The following PXT1 variants were observed in gnomAD, a reference collection of about 807,000 sequenced individuals.
PXT1 encodes peroxisomal testis enriched protein 1, also known as peroxisomal testis-specific protein 1.
Under a neutral mutation model 11.0 loss-of-function variants are expected in PXT1, and 11 were observed. The ratio of observed to expected loss-of-function variants is 1.00; its 90% CI spans 0.63 to 1.66. The LOEUF (loss-of-function observed/expected upper bound fraction) is 1.66, where lower values mean the gene tolerates loss of function less well. PXT1 is among the 40% of genes most tolerant of loss of function. PXT1 has a pLI of 0.00. For missense variants in PXT1, 141 were observed against 155.5 expected (o/e 0.91, Z 0.49); for synonymous variants, 43 against 51.4 (o/e 0.84, Z 0.70).
chr6:36,403,858 A>T (rs1774247975), intron 3 of PXT1, among the ~76,000 whole-genome samples: 1 of 152,186 alleles, frequency 6.6e-6, no homozygotes, highest in Non-Finnish European at 1.5e-5. Flanking sequence ...ACAGAGAGAG[A>T]ACCTGTCTCA....
At chr6:36,424,602 G>A (rs1182594739) in intron 3 of PXT1, among the ~76,000 whole-genome samples, 1 of 152,238 alleles carries the variant, frequency 6.6e-6, no homozygotes, top group Non-Finnish European at 1.5e-5. Context: ...TCGCGCCACT[G>A]CACTCCAGCC....
intron 1 of PXT1, among the ~76,000 whole-genome samples, chr6:36,440,936 AG>A (rs1383109481): frequency 6.6e-6 from 1 of 152,148 alleles, no homozygotes. Flanking sequence ...CTCGGTAGTT[AG>A]CCTGATTCTC....
chr6:36,423,868 AATGAG>A (rs1193914989), intron 3 of PXT1, among the ~76,000 whole-genome samples: 1 of 152,182 alleles, frequency 6.6e-6, no homozygotes, highest in Non-Finnish European at 1.5e-5. Context: ...ACCAGTCACT[AATGAG>A]ATTTGACATA....
At chr6:36,439,738 G>A (rs1182534740) in intron 1 of PXT1, among the ~76,000 whole-genome samples, 1 of 151,438 alleles carries the variant, frequency 6.6e-6, no homozygotes, top group Non-Finnish European at 1.5e-5. Flanking sequence ...TGAGCTGCCA[G>A]AGCCAGTACA....
chr6:36,412,494 T>C (rs1371613051), intron 3 of PXT1, among the ~76,000 whole-genome samples: 1 of 151,602 alleles, frequency 6.6e-6, no homozygotes, highest in African/African-American at 2.4e-5. Context: ...ACCCCGTCTC[T>C]ACTAAAAATG....
chr6:36,400,088 G>A (rs1414695964), intron 4 of PXT1, among the ~76,000 whole-genome samples: 1 of 152,104 alleles, frequency 6.6e-6, no homozygotes, highest in African/African-American at 2.4e-5. Context: ...CAGTTTTGAG[G>A]GTGTGAAACA....
At chr6:36,415,954 A>G (rs1170950590) in intron 3 of PXT1, among the ~76,000 whole-genome samples, 1 of 152,172 alleles carries the variant, frequency 6.6e-6, no homozygotes, top group Non-Finnish European at 1.5e-5. Context: ...CCCTGAAGAC[A>G]TCAATTTTGT....
At chr6:36,407,621 G>GT (rs1774309774) in intron 3 of PXT1, among the ~76,000 whole-genome samples, 4 of 151,678 alleles carry the variant, frequency 2.6e-5, no homozygotes, top group African/African-American at 9.7e-5. Context: ...GCCCAGGCTG[G>GT]ACTTGAACTT....
chr6:36,440,290 A>G (rs770271855), intron 1 of PXT1, among the ~76,000 whole-genome samples: 1 of 152,082 alleles, frequency 6.6e-6, no homozygotes, highest in African/African-American at 2.4e-5. Context: ...GTCAACCTTG[A>G]CCGGGCGTGG....
intron 2 of PXT1, among the ~76,000 whole-genome samples, chr6:36,430,202 A>G (rs1036189458): frequency 1.3e-5 from 2 of 151,514 alleles, no homozygotes; most frequent in African/African-American, 2.4e-5. Context: ...GCGACACTCC[A>G]TCTCAAAAAA....
intron 4 of PXT1, among the ~76,000 whole-genome samples, chr6:36,396,352 G>GT (rs1288020781): frequency 4.6e-5 from 7 of 152,156 alleles, no homozygotes; most frequent in Non-Finnish European, 8.8e-5. Context: ...CACCCTCCCA[G>GT]TTGCAGGACC....
At position 36,391,736 on chromosome 6, in the gene PXT1, A is replaced by C. The variant is rs1322335105; in HGVS notation, c.*34T>G. On this transcript the variant is annotated 3_prime_UTR_variant, in exon 5 of 5. Coordinates refer to ENST00000454782, the MANE Select transcript of PXT1 (RefSeq NM_152990.4). Reference sequence around the variant, plus strand: ...CATGTTTCTCAGAGGGTAAAAAGAAAACAGAACTTGACCACTTGACCTTTA... The same window carrying C: ...CATGTTTCTCAGAGGGTAAAAAGAACACAGAACTTGACCACTTGACCTTTA... 1 of 1,407,028 alleles carries C rather than the reference A, an allele frequency of 7.1e-7. No homozygotes were observed. The highest frequency in any genetic ancestry group is 1.2e-5 in the South Asian group (1 of 86,454). The allele number at this position is 1,407,028 out of a possible 1,614,324, so 87.2% of individuals were successfully genotyped here.
At chr6:36,422,011 T>C (rs954593425) in intron 3 of PXT1, among the ~76,000 whole-genome samples, 1 of 152,234 alleles carries the variant, frequency 6.6e-6, no homozygotes, top group African/African-American at 2.4e-5. Flanking sequence ...TATTGAGATA[T>C]ATCATATCCT....
At position 36,391,572 on chromosome 6, in the gene PXT1, T is replaced by C. The variant is rs947442616; in HGVS notation, c.*198A>G. On this transcript the variant is annotated 3_prime_UTR_variant, in exon 5 of 5. Coordinates refer to ENST00000454782, the MANE Select transcript of PXT1 (RefSeq NM_152990.4). ...CTTTACCGTGATGTGATCGCAGACATCTCATAGCTAGCTCCTCCGAAGAGA... is the reference window on the plus strand; with the variant it reads ...CTTTACCGTGATGTGATCGCAGACACCTCATAGCTAGCTCCTCCGAAGAGA... 3 of 595,340 alleles carry C rather than the reference T, an allele frequency of 5.0e-6. No individual in the cohort carries two copies. In the African/African-American group the frequency reaches 5.6e-5, roughly 11 times the overall value. 36.9% of individuals were successfully genotyped at this position (595,340 alleles called of 1,614,324 possible). A position where few individuals can be genotyped will look rare whatever the true frequency, so the allele number is the denominator to read the frequency against.
chr6:36,397,665 A>G (rs1184302200), intron 4 of PXT1, among the ~76,000 whole-genome samples: 1 of 152,190 alleles, frequency 6.6e-6, no homozygotes, highest in Non-Finnish European at 1.5e-5. Flanking sequence ...TTGTACTTCA[A>G]AGTACACTAT....
intron 1 of PXT1, among the ~76,000 whole-genome samples, chr6:36,441,126 AAAG>A (rs1774855893): frequency 6.6e-6 from 1 of 151,918 alleles, no homozygotes; most frequent in African/African-American, 2.4e-5. Context: ...AAAAAAAAAA[AAAG>A]AAAGACAATA....
intron 3 of PXT1, among the ~76,000 whole-genome samples, chr6:36,403,598 G>T (rs902668240): frequency 3.9e-5 from 6 of 152,168 alleles, no homozygotes; most frequent in Non-Finnish European, 7.3e-5. Context: ...TACTGACTAG[G>T]CATGATGGCT....
At chr6:36,408,086 C>T (rs1223096454) in intron 3 of PXT1, among the ~76,000 whole-genome samples, 9 of 151,488 alleles carry the variant, frequency 5.9e-5, no homozygotes, top group East Asian at 1.9e-4. Context: ...CTCAGCCTCC[C>T]GAGTAGCTGG....
rs62403734 is a variant in PXT1, at chr6:36,402,183, T to A, written c.170-1599A>T. Among the ~76,000 whole-genome samples the A allele has an allele frequency of 6.6e-4, 101 of 152,140 alleles. 1 individual carries two copies. Among genetic ancestry groups the A allele is most frequent in the African/African-American group, 2.4e-3 (99 of 41,500 alleles). ...AACTTTATTTGCTTCCAGCAACCAATGAGCGTTTTTAAGCAACACTATAAG... is the reference window on the plus strand; with the variant it reads ...AACTTTATTTGCTTCCAGCAACCAAAGAGCGTTTTTAAGCAACACTATAAG... On this transcript the variant is annotated intron_variant, in intron 3 of 4. Transcript: ENST00000454782.
Sources: gnomAD v4.1 joint callset for allele counts (sites outside exome capture counted in the v4.1 genomes callset) on GRCh38, gnomAD v4.1.1 for gene constraint, MANE v1.5 for transcripts, NCBI Gene and HGNC (gene_info 2026-07-23, HGNC 2026-07-21) for gene names.